Variants in CTNND2 observed in about 807,000 individuals in gnomAD.
CTNND2 encodes catenin delta-2.
CTNND2 carries 22 observed loss-of-function variants against 144.4 expected under a neutral mutation model. That is an observed-to-expected ratio of 0.15 (90% CI 0.11 to 0.22). The LOEUF is 0.22. CTNND2 is among the 10% of genes least tolerant of loss of function. The pLI is 1.00. For missense variants in CTNND2, 1,353 were observed against 1,618.8 expected (o/e 0.84, Z 2.82); for synonymous variants, 751 against 695.6 (o/e 1.08, Z -1.25).
chr5:11,594,680 A>C (rs1486747006), intron 2 of CTNND2, among the ~76,000 whole-genome samples: 2 of 152,194 alleles, frequency 1.3e-5, no homozygotes, highest in African/African-American at 2.4e-5. Flanking sequence ...TGGACAAAAA[A>C]CAAACAAATA....
At chr5:11,897,336 T>C (rs1737475462) in intron 1 of CTNND2, among the ~76,000 whole-genome samples, 1 of 152,204 alleles carries the variant, frequency 6.6e-6, no homozygotes, top group Non-Finnish European at 1.5e-5. Flanking sequence ...TTAGATTGAG[T>C]AGTCATGCTT....
intron 16 of CTNND2, among the ~76,000 whole-genome samples, chr5:11,036,388 C>T (rs1392555579): frequency 6.6e-6 from 1 of 152,112 alleles, no homozygotes; most frequent in Non-Finnish European, 1.5e-5. Flanking sequence ...TTGAAATTGC[C>T]TTCCACAAAT....
At chr5:11,724,533 T>C (rs1443623157) in intron 2 of CTNND2, among the ~76,000 whole-genome samples, 4 of 152,282 alleles carry the variant, frequency 2.6e-5, no homozygotes, top group African/African-American at 7.2e-5. Flanking sequence ...TCCAAGCTTA[T>C]CTATTTCGGT....
intron 2 of CTNND2, among the ~76,000 whole-genome samples, chr5:11,690,331 C>T (rs1784838198): frequency 6.6e-6 from 1 of 152,140 alleles, no homozygotes; most frequent in South Asian, 2.1e-4. Flanking sequence ...ACGTTACAAA[C>T]AAGAAAGCAT....
chr5:11,072,295 T>C (rs1168511046), intron 16 of CTNND2, among the ~76,000 whole-genome samples: 1 of 152,204 alleles, frequency 6.6e-6, no homozygotes, highest in Non-Finnish European at 1.5e-5. Context: ...TATATGTGCA[T>C]CAGCCCAGGC....
chr5:11,461,710 G>A (rs901902614), intron 3 of CTNND2, among the ~76,000 whole-genome samples: 4 of 152,106 alleles, frequency 2.6e-5, no homozygotes, highest in Non-Finnish European at 5.9e-5. Flanking sequence ...AACACTTCTT[G>A]TAAACAAAGA....
chr5:11,503,991 T>A (rs1409582720), intron 3 of CTNND2, among the ~76,000 whole-genome samples: 1 of 152,226 alleles, frequency 6.6e-6, no homozygotes, highest in African/African-American at 2.4e-5. Flanking sequence ...TAAATCAGCA[T>A]TTCCATTTAA....
rs143049615 is a variant in CTNND2, at chr5:11,558,202, G to T, written c.287+6742C>A. ...ATCAATAAGCATTTACTGGGGAAAA[G>T]TTCCATGGCAGGTACCATCTTGGTG... On this transcript the variant is annotated intron_variant, in intron 3 of 21. Transcript: ENST00000304623. 3.5e-3 allele frequency among the ~76,000 whole-genome samples: 537 copies of T among 152,332 alleles called. 3 individuals are homozygous for T. Among genetic ancestry groups the T allele is most frequent in the Admixed American group, 5.5e-3 (84 of 15,304 alleles).
chr5:11,005,308 G>C (rs1259384003), intron 18 of CTNND2, among the ~76,000 whole-genome samples: 7 of 152,238 alleles, frequency 4.6e-5, no homozygotes, highest in African/African-American at 1.4e-4. Flanking sequence ...GGAAGTCAGC[G>C]CAGGGAGGTG....
At chr5:11,457,135 C>T (rs1765798920) in intron 3 of CTNND2, among the ~76,000 whole-genome samples, 1 of 152,266 alleles carries the variant, frequency 6.6e-6, no homozygotes, top group Non-Finnish European at 1.5e-5. Context: ...GGTGAGGTGG[C>T]TCACGTCTGT....
intron 12 of CTNND2, among the ~76,000 whole-genome samples, chr5:11,140,385 G>A (rs1394870117): frequency 6.6e-6 from 1 of 152,116 alleles, no homozygotes; most frequent in Non-Finnish European, 1.5e-5. Flanking sequence ...ACATTATCTG[G>A]TCAATTTATT....
chr5:11,400,554 T>C (rs1311110395), intron 5 of CTNND2, among the ~76,000 whole-genome samples: 2 of 152,168 alleles, frequency 1.3e-5, no homozygotes, highest in Non-Finnish European at 2.9e-5. Context: ...CATTTCCTCA[T>C]ACATTGATGA....
chr5:11,890,149 A>G (rs1736847501), intron 1 of CTNND2, among the ~76,000 whole-genome samples: 1 of 152,170 alleles, frequency 6.6e-6, no homozygotes, highest in African/African-American at 2.4e-5. Context: ...CCTGCAGTTC[A>G]CAGTCCACTA....
At chr5:11,383,104 A>T (rs1319391628) in intron 7 of CTNND2, among the ~76,000 whole-genome samples, 3 of 152,156 alleles carry the variant, frequency 2.0e-5, no homozygotes, top group Admixed American at 2.0e-4. Flanking sequence ...ATAGACTAGA[A>T]CATGCAAAAG....
chr5:11,882,704 C>T lies in CTNND2; in HGVS notation c.37+21113G>A, dbSNP rs144099394. ...CTATAGCTTACTACAGTACTGGTTA[C>T]TATAGATTTATAGTATATTTTAGAG... On this transcript the variant is annotated intron_variant, in intron 1 of 21. Transcript: ENST00000304623. Among the ~76,000 whole-genome samples the T allele has an allele frequency of 2.9e-3, 441 of 152,234 alleles. 3 individuals carry two copies. The highest frequency in any genetic ancestry group is 9.9e-3 in the African/African-American group (413 of 41,552).
intron 2 of CTNND2, among the ~76,000 whole-genome samples, chr5:11,710,939 C>A (rs11133663): frequency 0.19 from 28,922 of 152,164 alleles, 3,079 homozygotes; most frequent in South Asian, 0.29. Flanking sequence ...CAAGTTTTAA[C>A]CCCTTGTCAC....
intron 2 of CTNND2, among the ~76,000 whole-genome samples, chr5:11,729,482 C>A (rs1389240452): frequency 1.3e-5 from 2 of 152,060 alleles, no homozygotes; most frequent in East Asian, 3.9e-4. Flanking sequence ...TATGTAATTT[C>A]CTTTCTAAAA....
chr5:11,729,560 A>G (rs899091290), intron 2 of CTNND2, among the ~76,000 whole-genome samples: 17 of 152,318 alleles, frequency 1.1e-4, no homozygotes, highest in Admixed American at 5.9e-4. Context: ...TGACTGCATA[A>G]TATTTATAGA....
chr5:11,346,969 A>C (rs1262723140), intron 8 of CTNND2, among the ~76,000 whole-genome samples: 1 of 152,212 alleles, frequency 6.6e-6, no homozygotes, highest in East Asian at 1.9e-4. Context: ...ATGGGAAGTT[A>C]ATTCTTCATT....
Sources: gnomAD v4.1 joint callset for allele counts (sites outside exome capture counted in the v4.1 genomes callset) on GRCh38, gnomAD v4.1.1 for gene constraint, MANE v1.5 for transcripts, NCBI Gene and HGNC (gene_info 2026-07-23, HGNC 2026-07-21) for gene names.